The following PEBP4 variants were observed in gnomAD, a reference collection of about 807,000 sequenced individuals.
PEBP4 encodes phosphatidylethanolamine-binding protein 4.
A neutral mutation model predicts 23.9 loss-of-function variants in PEBP4; 22 were observed. The observed-to-expected ratio is 0.92, with a 90% CI of 0.66 to 1.31. PEBP4 has a LOEUF of 1.31. PEBP4 is among the 40% of genes most tolerant of loss of function. The probability of loss-of-function intolerance (pLI) is 0.00; values close to 1 mark genes in which losing one functional copy is unlikely to be tolerated. For synonymous variants in PEBP4, 112 were observed against 99.3 expected, an observed-to-expected ratio of 1.13 and a Z score of -0.76; for missense variants, 324 against 281.7, an observed-to-expected ratio of 1.15 and a Z score of -1.07.
intron 4 of PEBP4, among the ~76,000 whole-genome samples, chr8:22,788,466 C>T (rs551743116): frequency 6.6e-5 from 10 of 152,210 alleles, no homozygotes; most frequent in South Asian, 4.2e-4. Flanking sequence ...CAGTGGGGAC[C>T]GAGGTTGGCA....
At chr8:22,825,381 C>A (rs991090130) in intron 3 of PEBP4, among the ~76,000 whole-genome samples, 3 of 152,326 alleles carry the variant, frequency 2.0e-5, no homozygotes, top group Admixed American at 2.0e-4. Flanking sequence ...ATAGCCAAGA[C>A]AGAAGAACGT....
At chr8:22,924,290 G>T (rs188872423) in intron 2 of PEBP4, among the ~76,000 whole-genome samples, 2 of 152,284 alleles carry the variant, frequency 1.3e-5, no homozygotes, top group East Asian at 1.9e-4. Context: ...CTTGAGCCCA[G>T]GTGTTCAAGG....
At chr8:22,797,082 C>G (rs1806275992) in intron 4 of PEBP4, among the ~76,000 whole-genome samples, 1 of 151,428 alleles carries the variant, frequency 6.6e-6, no homozygotes, top group Admixed American at 6.6e-5. Flanking sequence ...ATGGAGAAAC[C>G]CGGTCTCTAC....
rs151164207 is a variant in PEBP4, at chr8:22,724,355, G to A, written c.517+488C>T. On this transcript the variant is annotated intron_variant, in intron 6 of 6. Coordinates refer to ENST00000256404, the MANE Select transcript of PEBP4 (RefSeq NM_144962.3). The stretch of plus-strand genomic sequence containing the variant: ...GGGCTGCTCAGAGAAGCTAGTGGAG[G>A]GGGGATGGTGGGGGACATCTTCCCC... 8.5e-5 allele frequency among the ~76,000 whole-genome samples: 13 copies of A among 152,286 alleles called. No homozygotes were observed. In the South Asian group the frequency reaches 2.1e-3, roughly 24 times the overall value.
At chr8:22,918,282 C>T (rs1809121212) in intron 3 of PEBP4, among the ~76,000 whole-genome samples, 1 of 152,184 alleles carries the variant, frequency 6.6e-6, no homozygotes. Flanking sequence ...CCCACAGCTT[C>T]GATCAAATCT....
chr8:22,832,356 G>A (rs1394822100), intron 3 of PEBP4, among the ~76,000 whole-genome samples: 6 of 152,090 alleles, frequency 3.9e-5, no homozygotes, highest in African/African-American at 1.4e-4. Context: ...CTCTCTCTCT[G>A]CTCTCTGCCA....
At chr8:22,741,641 C>T (rs1804997389) in intron 4 of PEBP4, among the ~76,000 whole-genome samples, 3 of 152,148 alleles carry the variant, frequency 2.0e-5, no homozygotes, top group African/African-American at 7.2e-5. Context: ...CTGTGCCACC[C>T]CATCAGTGGG....
intron 2 of PEBP4, among the ~76,000 whole-genome samples, chr8:22,926,847 T>C (rs918287493): frequency 1.3e-5 from 2 of 152,212 alleles, no homozygotes; most frequent in African/African-American, 4.8e-5. Flanking sequence ...TCCTCTCTCA[T>C]TTCTCACACG....
At chr8:22,716,739 C>T (rs746333135) in intron 6 of PEBP4, among the ~76,000 whole-genome samples, 2 of 152,328 alleles carry the variant, frequency 1.3e-5, no homozygotes, top group Non-Finnish European at 2.9e-5. Context: ...CTGCCACATC[C>T]AGCTTACCCT....
In PEBP4 at chr8:22,795,249, C is replaced by T. The variant is rs918257270; in HGVS notation, c.357+22388G>A. On this transcript the variant is annotated intron_variant, in intron 4 of 6. Transcript: ENST00000256404. Reference sequence around the variant, plus strand: ...GGAGTGCAGTGGCGTGATCTTGGCTCACTGCAACCTCCACCTCCTGGGTTC... The same window carrying T: ...GGAGTGCAGTGGCGTGATCTTGGCTTACTGCAACCTCCACCTCCTGGGTTC... Among the ~76,000 whole-genome samples the T allele has an allele frequency of 3.6e-5, 5 of 139,322 alleles. 1 individual carries two copies. Among genetic ancestry groups the T allele is most frequent in the African/African-American group, 1.3e-4 (5 of 37,120 alleles). The allele number at this position is 139,322 out of a possible 152,430, so 91.4% of individuals were successfully genotyped here.
At chr8:22,937,798 ATGTGTGTGTG>A (rs55794481) in intron 1 of PEBP4, among the ~76,000 whole-genome samples, 4 of 150,408 alleles carry the variant, frequency 2.7e-5, no homozygotes, top group Admixed American at 6.6e-5. Context: ...ATGTGTATGT[ATGTGTGTGTG>A]TGTGTGTGTG....
chr8:22,891,675 C>T (rs372799707), intron 3 of PEBP4, among the ~76,000 whole-genome samples: 36 of 152,300 alleles, frequency 2.4e-4, no homozygotes, highest in Middle Eastern at 3.4e-3. Flanking sequence ...TAGGTGGGCC[C>T]GCCTCAGACA....
intron 3 of PEBP4, among the ~76,000 whole-genome samples, chr8:22,862,885 C>G (rs1807809333): frequency 6.6e-6 from 1 of 151,256 alleles, no homozygotes; most frequent in South Asian, 2.1e-4. Context: ...ACTGCAAGCT[C>G]CGCCTCCCAG....
intron 3 of PEBP4, among the ~76,000 whole-genome samples, chr8:22,819,126 A>T (rs1268839133): frequency 1.3e-5 from 2 of 152,080 alleles, no homozygotes; most frequent in Non-Finnish European, 2.9e-5. Flanking sequence ...ATGGCCTTTA[A>T]ATCAGTAGAG....
intron 2 of PEBP4, 126 bp downstream of exon 2, chr8:22,927,458 G>C: frequency 8.4e-7 from 1 of 1,184,418 alleles, no homozygotes; most frequent in Non-Finnish European, 1.2e-6. Flanking sequence ...GATCTGACAC[G>C]TGTTCTGCCT....
intron 3 of PEBP4, among the ~76,000 whole-genome samples, chr8:22,831,503 T>C (rs1563230799): frequency 2.6e-5 from 4 of 152,164 alleles, no homozygotes; most frequent in Admixed American, 2.0e-4. Context: ...CAAGCATTGA[T>C]TGAGCTCTTT....
chr8:22,721,961 C>A (rs1804527927), intron 6 of PEBP4, among the ~76,000 whole-genome samples: 1 of 152,174 alleles, frequency 6.6e-6, no homozygotes, highest in African/African-American at 2.4e-5. Context: ...TTCATCCACA[C>A]CTCACTGCCT....
chr8:22,793,127 C>G (rs1251653361), intron 4 of PEBP4, among the ~76,000 whole-genome samples: 1 of 152,166 alleles, frequency 6.6e-6, no homozygotes, highest in Non-Finnish European at 1.5e-5. Flanking sequence ...CATACACTTT[C>G]CAGTTTCTTT....
intron 3 of PEBP4, among the ~76,000 whole-genome samples, chr8:22,918,918 AGT>A (rs1311380227): frequency 2.3e-5 from 3 of 132,256 alleles, no homozygotes; most frequent in African/African-American, 2.7e-5. Flanking sequence ...TGTGCATGCA[AGT>A]GTGTGTGTGC....
Sources: gnomAD v4.1 joint callset for allele counts (sites outside exome capture counted in the v4.1 genomes callset) on GRCh38, gnomAD v4.1.1 for gene constraint, MANE v1.5 for transcripts, NCBI Gene and HGNC (gene_info 2026-07-23, HGNC 2026-07-21) for gene names.